Variants in CIB4 observed in about 807,000 individuals in gnomAD.
CIB4 encodes the protein calcium and integrin binding family member 4, also known as calcium and integrin-binding family member 4.
In CIB4, 25 loss-of-function variants were observed where a neutral mutation model predicts 25.8. The ratio of observed to expected loss-of-function variants is 0.97; its 90% CI spans 0.71 to 1.35. The LOEUF (loss-of-function observed/expected upper bound fraction) is 1.35, where lower values mean the gene tolerates loss of function less well. CIB4 is among the 40% of genes most tolerant of loss of function. The pLI, the probability that CIB4 is intolerant of heterozygous loss-of-function variation, is 0.00. For synonymous variants in CIB4, 75 were observed against 81.4 expected, an observed-to-expected ratio of 0.92 and a Z score of 0.42; for missense variants, 235 against 228.2, an observed-to-expected ratio of 1.03 and a Z score of -0.19.
chr2:26,601,225 AAAAAAAAT>A (rs1216925422), intron 3 of CIB4, among the ~76,000 whole-genome samples: 3 of 51,250 alleles, frequency 5.9e-5, no homozygotes, highest in African/African-American at 2.1e-4. Flanking sequence ...GTCAAAAAAA[AAAAAAAAT>A]ATATATATAT....
chr2:26,604,004 A>G (rs1056117738), intron 3 of CIB4, among the ~76,000 whole-genome samples: 1 of 138,308 alleles, frequency 7.2e-6, no homozygotes, highest in African/African-American at 2.9e-5. Flanking sequence ...GCATACCTTA[A>G]AAAAAAAAAA....
At chr2:26,615,414 C>T (rs1731241) in intron 3 of CIB4, among the ~76,000 whole-genome samples, 7 of 151,954 alleles carry the variant, frequency 4.6e-5, no homozygotes, top group Admixed American at 3.9e-4. Context: ...CCTGGGAGAG[C>T]GGCTGCCATC....
At chr2:26,621,321 A>G (rs999169067) in intron 3 of CIB4, among the ~76,000 whole-genome samples, 1 of 152,124 alleles carries the variant, frequency 6.6e-6, no homozygotes, top group African/African-American at 2.4e-5. Context: ...ACCTCTCAAT[A>G]ACAACGGTGA....
At chr2:26,581,437 A>AG in intron 6 of CIB4, 44 bp from the exon 7 acceptor site, 1 of 1,605,540 alleles carries the variant, frequency 6.2e-7, no homozygotes, top group Non-Finnish European at 8.5e-7. Flanking sequence ...CGCAGGTCCA[A>AG]GGGGCCCTCT....
intron 5 of CIB4, 68 bp from the exon 6 acceptor site, chr2:26,582,981 G>A: frequency 2.7e-6 from 3 of 1,097,170 alleles, no homozygotes; most frequent in Non-Finnish European, 4.2e-6. Flanking sequence ...GGCACAGGGT[G>A]GAGGGGGAAA....
intron 3 of CIB4, among the ~76,000 whole-genome samples, chr2:26,626,492 T>G (rs1669308541): frequency 6.6e-6 from 1 of 152,208 alleles, no homozygotes; most frequent in South Asian, 2.1e-4. Context: ...AAAATGATTG[T>G]GGCAGTCATC....
chr2:26,598,477 T>C (rs1668722024), intron 3 of CIB4, among the ~76,000 whole-genome samples: 1 of 151,882 alleles, frequency 6.6e-6, no homozygotes, highest in African/African-American at 2.4e-5. Context: ...TCAAAGAAGA[T>C]GGAGCTGACA....
chr2:26,641,138 T>C, intron 1 of CIB4, 123 bp downstream of exon 1: 1 of 770,452 alleles, frequency 1.3e-6, no homozygotes, highest in Non-Finnish European at 2.4e-6. Context: ...TCTTCCAATG[T>C]GGCCCAGGGA....
At chr2:26,589,033 T>TTCTTCCTCCTCTTCC (rs1668516597) in intron 4 of CIB4, among the ~76,000 whole-genome samples, 1 of 40,488 alleles carries the variant, frequency 2.5e-5, no homozygotes, top group African/African-American at 1.0e-4. Context: ...CTTCTTCTTC[T>TTCTTCCTCCTCTTCC]TCTTCTTCTT....
intron 3 of CIB4, among the ~76,000 whole-genome samples, chr2:26,597,918 CAA>C (rs546891473): frequency 6.6e-5 from 8 of 121,754 alleles, no homozygotes; most frequent in African/African-American, 5.9e-5. Context: ...TGCCTGGTGC[CAA>C]AAAAAAAAAA....
chr2:26,603,122 G>A (rs1467412527), intron 3 of CIB4, among the ~76,000 whole-genome samples: 1 of 152,100 alleles, frequency 6.6e-6, no homozygotes, highest in Admixed American at 6.5e-5. Flanking sequence ...GTCTAATTAT[G>A]AGAAAACATC....
chr2:26,615,666 C>T (rs941806641), intron 3 of CIB4, among the ~76,000 whole-genome samples: 66 of 152,340 alleles, frequency 4.3e-4, no homozygotes, highest in South Asian at 8.3e-4. Flanking sequence ...AAGATGAAGA[C>T]ACTGAGGCCC....
At chr2:26,608,892 T>G (rs1299237158) in intron 3 of CIB4, among the ~76,000 whole-genome samples, 2 of 152,082 alleles carry the variant, frequency 1.3e-5, no homozygotes, top group Non-Finnish European at 2.9e-5. Context: ...CCTCTCTTGC[T>G]CTCTCGTCGC....
At chr2:26,636,601 C>T (rs1315525004) in intron 2 of CIB4, among the ~76,000 whole-genome samples, 2 of 152,220 alleles carry the variant, frequency 1.3e-5, no homozygotes, top group East Asian at 3.9e-4. Context: ...CCTTTGTTTC[C>T]CCGATCCTGG....
At chr2:26,638,842 C>T (rs1669581896) in intron 2 of CIB4, among the ~76,000 whole-genome samples, 1 of 152,008 alleles carries the variant, frequency 6.6e-6, no homozygotes, top group Admixed American at 6.6e-5. Flanking sequence ...GTCCCAGCTA[C>T]TCAGGAGGCT....
intron 4 of CIB4, among the ~76,000 whole-genome samples, chr2:26,589,645 C>G (rs761032338): frequency 6.6e-6 from 1 of 152,192 alleles, no homozygotes; most frequent in Non-Finnish European, 1.5e-5. Context: ...TGACCAAAAG[C>G]CATTCTCCTG....
intron 4 of CIB4, among the ~76,000 whole-genome samples, chr2:26,585,705 T>C (rs899167746): frequency 1.3e-5 from 2 of 152,100 alleles, no homozygotes; most frequent in Non-Finnish European, 2.9e-5. Context: ...TTCAGCTCAT[T>C]GCAACCTTTA....
intron 3 of CIB4, among the ~76,000 whole-genome samples, chr2:26,600,862 G>T (rs535705000): frequency 2.6e-5 from 4 of 152,048 alleles, no homozygotes; most frequent in African/African-American, 9.7e-5. Context: ...TAAAGTTTAC[G>T]TGGAAATGCA....
At chr2:26,599,446 T>C (rs1172145214) in intron 3 of CIB4, among the ~76,000 whole-genome samples, 2 of 152,198 alleles carry the variant, frequency 1.3e-5, no homozygotes, top group Non-Finnish European at 2.9e-5. Context: ...GATTTGAAGA[T>C]GAAAGTCAGA....
Sources: gnomAD v4.1 joint callset for allele counts (sites outside exome capture counted in the v4.1 genomes callset) on GRCh38, gnomAD v4.1.1 for gene constraint, MANE v1.5 for transcripts, NCBI Gene and HGNC (gene_info 2026-07-23, HGNC 2026-07-21) for gene names.